Variants in TNNI3K observed in about 807,000 individuals in gnomAD.
TNNI3K encodes TNNI3 interacting kinase.
TNNI3K carries 140 observed loss-of-function variants against 114.5 expected under a neutral mutation model. The observed-to-expected ratio is 1.22, with a 90% CI of 1.07 to 1.41. The LOEUF (loss-of-function observed/expected upper bound fraction) is 1.41, where lower values mean the gene tolerates loss of function less well. TNNI3K is among the 40% of genes most tolerant of loss of function. The pLI is 0.00. For missense variants in TNNI3K, 1,125 were observed against 1,007.6 expected, an observed-to-expected ratio of 1.12 and a Z score of -1.58; for synonymous variants, 347 against 347.5, an observed-to-expected ratio of 1.00 and a Z score of 0.02.
intron 20 of TNNI3K, among the ~76,000 whole-genome samples, chr1:74,443,603 T>G (rs1045598926): frequency 6.6e-6 from 1 of 152,086 alleles, no homozygotes; most frequent in African/African-American, 2.4e-5. Flanking sequence ...GGTACCATTT[T>G]TTCTGAAACT....
intron 17 of TNNI3K, among the ~76,000 whole-genome samples, chr1:74,389,195 A>G (rs1449255658): frequency 6.6e-6 from 1 of 152,196 alleles, no homozygotes; most frequent in Non-Finnish European, 1.5e-5. Flanking sequence ...TGGATCTGAG[A>G]CGGAAGCCAT....
intron 2 of TNNI3K, among the ~76,000 whole-genome samples, chr1:74,242,139 G>A (rs148191577): frequency 0.011 from 1,742 of 152,046 alleles, 40 homozygotes; most frequent in African/African-American, 0.04. Flanking sequence ...ATGAGCCACC[G>A]CGCCTGACCC....
intron 20 of TNNI3K, among the ~76,000 whole-genome samples, chr1:74,442,095 A>T (rs1358386111): frequency 6.6e-6 from 1 of 152,022 alleles, no homozygotes. Flanking sequence ...TTTTATATTT[A>T]TAAGATCTAT....
chr1:74,304,947 C>A (rs543004371), intron 5 of TNNI3K, among the ~76,000 whole-genome samples: 3 of 152,076 alleles, frequency 2.0e-5, no homozygotes, highest in Non-Finnish European at 4.4e-5. Flanking sequence ...GGTATGCCTA[C>A]GCTGGATTTG....
chr1:74,538,585 G>C (rs1207601708), intron 23 of TNNI3K, among the ~76,000 whole-genome samples: 1 of 152,050 alleles, frequency 6.6e-6, no homozygotes, highest in African/African-American at 2.4e-5. Context: ...AGGAAATAAG[G>C]CGATGTGATG....
intron 10 of TNNI3K, 148 bp from the exon 11 acceptor site, chr1:74,353,831 AT>A: frequency 8.5e-7 from 1 of 1,177,684 alleles, no homozygotes; most frequent in Non-Finnish European, 1.2e-6. Flanking sequence ...CGTTTGGTCA[AT>A]AATAAAATTA....
At position 74,271,805 on chromosome 1, in the gene TNNI3K, A is replaced by G. The variant is rs890204197; in HGVS notation, c.444+97A>G. Reference sequence around the variant, plus strand: ...GAAATACTGTCTTTGAGACTTTACAAGTTGGTTTATTTTTTAGCTACTGAA... The same window carrying G: ...GAAATACTGTCTTTGAGACTTTACAGGTTGGTTTATTTTTTAGCTACTGAA... On this transcript the variant is annotated intron_variant, in intron 5 of 24. Transcript: ENST00000326637. 5.2e-5 allele frequency: 57 copies of G among 1,091,722 alleles called. No individual in the cohort carries two copies. In the African/African-American group the frequency reaches 7.6e-4, roughly 15 times the overall value. 67.6% of individuals were successfully genotyped at this position (1,091,722 alleles called of 1,614,324 possible).
At chr1:74,310,679 C>A (rs1479183196) in intron 5 of TNNI3K, among the ~76,000 whole-genome samples, 1 of 152,066 alleles carries the variant, frequency 6.6e-6, no homozygotes, top group Non-Finnish European at 1.5e-5. Flanking sequence ...CATACACTTA[C>A]AATTAAGCTT....
intron 11 of TNNI3K, among the ~76,000 whole-genome samples, chr1:74,364,079 A>G (rs1662129667): frequency 6.6e-6 from 1 of 150,894 alleles, no homozygotes; most frequent in Non-Finnish European, 1.5e-5. Context: ...AGCTCACTAC[A>G]ATCTTAAACT....
intron 5 of TNNI3K, among the ~76,000 whole-genome samples, chr1:74,278,298 A>G (rs1253198992): frequency 6.6e-6 from 1 of 152,196 alleles, no homozygotes; most frequent in Non-Finnish European, 1.5e-5. Flanking sequence ...CTTTGAATAG[A>G]TAACTTTGTA....
At chr1:74,435,459 A>G (rs1168045642) in intron 17 of TNNI3K, among the ~76,000 whole-genome samples, 3 of 151,742 alleles carry the variant, frequency 2.0e-5, no homozygotes, top group African/African-American at 7.3e-5. Flanking sequence ...CTACTCTGAC[A>G]CTCTTCTTAA....
chr1:74,350,064 A>C (rs1054739499), intron 9 of TNNI3K, among the ~76,000 whole-genome samples: 1 of 151,980 alleles, frequency 6.6e-6, no homozygotes, highest in East Asian at 1.9e-4. Flanking sequence ...TTGTGATGTT[A>C]GGGTGTCAAT....
At chr1:74,501,221 T>C (rs976254352) in intron 23 of TNNI3K, among the ~76,000 whole-genome samples, 1 of 152,216 alleles carries the variant, frequency 6.6e-6, no homozygotes, top group African/African-American at 2.4e-5. Flanking sequence ...TGTCTTCCAA[T>C]TCACTTATTC....
intron 11 of TNNI3K, among the ~76,000 whole-genome samples, chr1:74,356,076 T>G (rs1337705447): frequency 6.6e-6 from 1 of 152,204 alleles, no homozygotes; most frequent in Non-Finnish European, 1.5e-5. Context: ...ACTGCCTTCT[T>G]GTGGCATAGT....
chr1:74,306,273 C>A (rs752737783), intron 5 of TNNI3K, among the ~76,000 whole-genome samples: 1 of 152,074 alleles, frequency 6.6e-6, no homozygotes, highest in Non-Finnish European at 1.5e-5. Context: ...TTATCCAATC[C>A]ATCATTGATA....
chr1:74,533,770 G>T (rs927609969), intron 23 of TNNI3K, among the ~76,000 whole-genome samples: 1 of 152,060 alleles, frequency 6.6e-6, no homozygotes, highest in Non-Finnish European at 1.5e-5. Flanking sequence ...TAGGGACATG[G>T]ATGAAATTGG....
intron 5 of TNNI3K, among the ~76,000 whole-genome samples, chr1:74,276,799 T>A (rs1656713122): frequency 6.6e-6 from 1 of 152,142 alleles, no homozygotes; most frequent in Admixed American, 6.6e-5. Context: ...TATTAAACAA[T>A]CTTACAATAA....
intron 5 of TNNI3K, among the ~76,000 whole-genome samples, chr1:74,323,115 TTA>T (rs1017768075): frequency 6.6e-6 from 1 of 152,114 alleles, no homozygotes; most frequent in Non-Finnish European, 1.5e-5. Context: ...GTGCAAACAA[TTA>T]TATAATCATG....
intron 17 of TNNI3K, among the ~76,000 whole-genome samples, chr1:74,389,559 C>T (rs1039067400): frequency 6.6e-5 from 10 of 152,184 alleles, no homozygotes; most frequent in Non-Finnish European, 1.3e-4. Flanking sequence ...TCCTATCACA[C>T]TTGTTTTCTT....
Sources: gnomAD v4.1 joint callset for allele counts (sites outside exome capture counted in the v4.1 genomes callset) on GRCh38, gnomAD v4.1.1 for gene constraint, MANE v1.5 for transcripts, NCBI Gene and HGNC (gene_info 2026-07-23, HGNC 2026-07-21) for gene names.